The following BDP1 variants were observed in gnomAD, a reference collection of about 807,000 sequenced individuals.
The protein encoded by BDP1 is BDP1 general transcription factor IIIB subunit.
Under a neutral mutation model 266.6 loss-of-function variants are expected in BDP1, and 169 were observed. That is an observed-to-expected ratio of 0.63 (90% CI 0.56 to 0.72). BDP1 has a LOEUF of 0.72. Among genes scored for constraint, BDP1 ranks in the 30% least tolerant of loss-of-function variants. The pLI is 0.00. For missense variants in BDP1, 3,015 were observed against 3,053.8 expected, an observed-to-expected ratio of 0.99 and a Z score of 0.30; for synonymous variants, 1,090 against 1,022.4, an observed-to-expected ratio of 1.07 and a Z score of -1.26.
chr5:71,544,654 A>T, intron 31 of BDP1, 147 bp downstream of exon 31: 1 of 749,428 alleles, frequency 1.3e-6, no homozygotes, highest in Non-Finnish European at 2.1e-6. Context: ...CCAAGACGGG[A>T]GGATCACGAG....
chr5:71,576,167 T>C, the BDP1 span, among the ~76,000 whole-genome samples: 1 of 152,180 alleles, frequency 6.6e-6, no homozygotes, highest in African/African-American at 2.4e-5. Flanking sequence ...CTGTGCAGTA[T>C]GTTTTTCCTG....
chr5:71,505,471 C>A (rs1456592089), intron 16 of BDP1, among the ~76,000 whole-genome samples: 2 of 152,084 alleles, frequency 1.3e-5, no homozygotes, highest in African/African-American at 4.8e-5. Flanking sequence ...ACCCATACTG[C>A]TTATAGTCAA....
chr5:71,461,829 A>G lies in BDP1; in HGVS notation c.502A>G (p.Asn168Asp). 1 of 1,595,830 alleles carries G rather than the reference A, an allele frequency of 6.3e-7. No individual in the cohort carries two copies. Among genetic ancestry groups the G allele is most frequent in the Non-Finnish European group, 8.6e-7 (1 of 1,168,942 alleles). The part of the protein sequence containing the change: ...ELRKEKKQWK[N>D]KYAINESQRP... ...TTTATGTATACAGAAACAATGGAAA[A>G]ACAAATATGCTATAAATGAAAGTCA... is the stretch of plus-strand genomic sequence containing the variant. The change falls in exon 3 of 39, where the codon AAC becomes GAC. Residue 168 changes from asparagine (N) to aspartate (D), a missense_variant. This residue lies in a region of BDP1 where 2,383 missense variants were observed against 2,404.9 expected (regional missense o/e 0.99). Transcript: ENST00000358731.
At chr5:71,520,910 C>T (rs1330426715) in intron 22 of BDP1, among the ~76,000 whole-genome samples, 5 of 152,058 alleles carry the variant, frequency 3.3e-5, no homozygotes, top group East Asian at 1.9e-4. Context: ...CATTGAAGGC[C>T]GGGCATGGTG....
intron 8 of BDP1, among the ~76,000 whole-genome samples, chr5:71,485,526 A>G (rs1276196038): frequency 6.6e-6 from 1 of 152,142 alleles, no homozygotes; most frequent in African/African-American, 2.4e-5. Flanking sequence ...TTTAGTTTCC[A>G]GAGATTCTTT....
downstream of BDP1, among the ~76,000 whole-genome samples, chr5:71,572,163 C>T (rs1273755322): frequency 6.6e-6 from 1 of 152,148 alleles, no homozygotes; most frequent in Non-Finnish European, 1.5e-5. Flanking sequence ...TTCCACACCC[C>T]TTCTCACTAT....
chr5:71,534,302 G>T (rs1280393415), intron 26 of BDP1, among the ~76,000 whole-genome samples: 1 of 152,034 alleles, frequency 6.6e-6, no homozygotes, highest in South Asian at 2.1e-4. Context: ...TTTGCATGTT[G>T]CTATCCATTT....
intron 31 of BDP1, among the ~76,000 whole-genome samples, 154 bp from the exon 32 acceptor site, chr5:71,544,879 CAAAAAA>C (rs141573220): frequency 3.5e-4 from 10 of 28,492 alleles, no homozygotes; most frequent in African/African-American, 1.1e-3. Context: ...GACTCTGTCT[CAAAAAA>C]AAAAAAAAAA....
chr5:71,509,564 G>T lies in BDP1; in HGVS notation c.2472G>T (p.Arg824Ser). 6.2e-7 allele frequency: 1 copy of T among 1,613,646 alleles called. No individual in the cohort carries two copies. The highest frequency in any genetic ancestry group is 8.5e-7 in the Non-Finnish European group (1 of 1,179,942). The change falls in exon 17 of 39, where the codon AGG (arginine) becomes AGT (serine). Residue 824 changes from arginine to serine, a missense_variant. Around this residue, in one of 3 missense-constraint regions of BDP1, gnomAD observed 2,383 missense variants for 2,404.9 expected, o/e 0.99. Transcript: ENST00000358731. ...PKPNIGRGTG[R>S]REISSKEEVL... ...CAAATATAGGAAGAGGAACTGGAAG[G>T]AGAGAAATTTCCTCAAAGGAAGAGG...
At chr5:71,536,567 G>A (rs1305501108) in intron 26 of BDP1, among the ~76,000 whole-genome samples, 2 of 152,100 alleles carry the variant, frequency 1.3e-5, no homozygotes, top group African/African-American at 4.8e-5. Context: ...CCCAGGCGCG[G>A]TGGCTCATGC....
At chr5:71,548,181 C>G (rs1742475767) in intron 32 of BDP1, among the ~76,000 whole-genome samples, 1 of 151,590 alleles carries the variant, frequency 6.6e-6, no homozygotes, top group Non-Finnish European at 1.5e-5. Flanking sequence ...CCCAGCTACT[C>G]AGGAGGTTGA....
intron 25 of BDP1, among the ~76,000 whole-genome samples, chr5:71,526,277 T>TGGCA (rs34110000): frequency 0.45 from 67,896 of 151,524 alleles, 15,541 homozygotes; most frequent in South Asian, 0.55. Context: ...TCAAACATTT[T>TGGCA]GGTGTTTTCT....
chr5:71,551,962 C>G (rs1178838334), intron 34 of BDP1, among the ~76,000 whole-genome samples: 1 of 143,960 alleles, frequency 6.9e-6, no homozygotes, highest in Non-Finnish European at 1.5e-5. Flanking sequence ...CTGACCCCCC[C>G]ACCTCCCTCC....
intron 17 of BDP1, chr5:71,511,472 AAAAATAAAT>A (rs1376454785): frequency 5.8e-4 from 102 of 174,396 alleles, no homozygotes; most frequent in Non-Finnish European, 8.2e-4. Context: ...AAGATAAAAT[AAAAATAAAT>A]AAAATAAATA....
chr5:71,525,613 A>C (rs1765799324), intron 25 of BDP1, among the ~76,000 whole-genome samples: 1 of 105,064 alleles, frequency 9.5e-6, no homozygotes, highest in African/African-American at 3.5e-5. Context: ...TCCTTCCCGG[A>C]CGGGGCGGCT....
intron 35 of BDP1, among the ~76,000 whole-genome samples, chr5:71,554,763 A>AC (rs1416559035): frequency 8.3e-6 from 1 of 120,232 alleles, no homozygotes; most frequent in Non-Finnish European, 1.9e-5. Context: ...TAGCATTTTA[A>AC]CAATTTTTTA....
intron 17 of BDP1, 97 bp downstream of exon 17, chr5:71,511,248 T>A: frequency 8.6e-7 from 1 of 1,156,176 alleles, no homozygotes; most frequent in Non-Finnish European, 1.2e-6. Context: ...CAACAACACT[T>A]AAAAATCTCT....
chr5:71,500,489 C>A (rs1332602064), intron 13 of BDP1, among the ~76,000 whole-genome samples: 1 of 151,830 alleles, frequency 6.6e-6, no homozygotes, highest in African/African-American at 2.4e-5. Flanking sequence ...CCATGCCCGG[C>A]TAATTTTTTG....
chr5:71,457,371 AAGTGC>A (rs935424929), intron 1 of BDP1, among the ~76,000 whole-genome samples: 2 of 147,944 alleles, frequency 1.4e-5, no homozygotes, highest in African/African-American at 5.0e-5. Context: ...GCCCAGGCTG[AAGTGC>A]AGTGGTACGG....
Sources: allele counts gnomAD v4.1 joint callset (sites outside exome capture counted in the v4.1 genomes callset), GRCh38; gene constraint gnomAD v4.1.1; regional missense constraint gnomAD v4.1.1; transcripts MANE v1.5; gene names NCBI Gene and HGNC (gene_info 2026-07-23, HGNC 2026-07-21).